Variants in PKD1 observed in about 807,000 individuals in gnomAD.
PKD1 encodes the protein polycystin-1.
PKD1 carries 81 observed loss-of-function variants against 361.7 expected under a neutral mutation model. The ratio of observed to expected loss-of-function variants is 0.22; its 90% CI spans 0.19 to 0.27. The LOEUF is 0.27. Ranked by LOEUF, PKD1 falls within the 10% of genes least tolerant of loss-of-function variation. PKD1 has a pLI of 1.00. For missense variants in PKD1, 6,399 were observed against 6,118.3 expected (o/e 1.05, Z -1.53); for synonymous variants, 3,615 against 2,818.3 (o/e 1.28, Z -8.95).
chr16:2,134,570 C>T (rs546575550), intron 1 of PKD1, among the ~76,000 whole-genome samples: 76 of 151,234 alleles, frequency 5.0e-4, no homozygotes, highest in Admixed American at 2.2e-3. Flanking sequence ...ACCCTGGGTC[C>T]TGGGCACCTC....
At chr16:2,132,689 G>A (rs1194146991) in intron 1 of PKD1, among the ~76,000 whole-genome samples, 3 of 151,918 alleles carry the variant, frequency 2.0e-5, no homozygotes, top group Non-Finnish European at 4.4e-5. Context: ...CAGGCCTTCG[G>A]TGGCATGAAG....
At position 2,093,742 on chromosome 16, in the gene PKD1, G is replaced by T; in HGVS notation, c.10822-4C>A. On this transcript the variant is annotated splice_polypyrimidine_tract_variant and splice_region_variant and intron_variant, in intron 36 of 45. Transcript: ENST00000262304. ...AGTACAGGGCTTCCAGCAAGACCTGGGGAGGGGGTGGCTTCAGAGGGGTCC... is the reference window on the plus strand; with the variant it reads ...AGTACAGGGCTTCCAGCAAGACCTGTGGAGGGGGTGGCTTCAGAGGGGTCC... 6.3e-7 allele frequency: 1 copy of T among 1,577,072 alleles called. No individual in the cohort carries two copies. The highest frequency in any genetic ancestry group is 8.6e-7 in the Non-Finnish European group (1 of 1,161,044).
At chr16:2,098,221 TTC>T (rs1489204266) in intron 30 of PKD1, 2 of 584,220 alleles carry the variant, frequency 3.4e-6, no homozygotes, top group African/African-American at 3.7e-5. Context: ...ATTTCATATT[TTC>T]TTTTTTAGAT....
rs748492133 is a variant in PKD1 at position 2,102,665 on chromosome 16, C to T, written c.8949-32G>A. On this transcript the variant is annotated intron_variant, in intron 24 of 45. Coordinates refer to ENST00000262304, the MANE Select transcript of PKD1 (RefSeq NM_001009944.3). ...AGGGAAGGGGTAGCGGACGTGAGCC[C>T]AGGCTCCGCCAGGTTGGATGTCGCA... 7.5e-6 allele frequency: 12 copies of T among 1,610,480 alleles called. No individual in the cohort carries two copies. In the South Asian group the frequency reaches 1.3e-4, roughly 18 times the overall value.
intron 26 of PKD1, 137 bp downstream of exon 26, chr16:2,101,924 T>C: frequency 1.5e-6 from 1 of 677,294 alleles, no homozygotes; most frequent in South Asian, 1.5e-5. Flanking sequence ...ATTCCCAGGA[T>C]GAACACACGA....
Position 2,110,726 on chromosome 16 carries a change from G to A in PKD1, c.4441C>T (p.Leu1481=). 1.2e-6 allele frequency: 2 copies of A among 1,610,312 alleles called. No homozygotes were observed. The highest frequency in any genetic ancestry group is 2.2e-5 in the East Asian group (1 of 44,904). The change falls in exon 15 of 46, where the codon CTG becomes TTG. Residue 1481 remains leucine, a synonymous_variant. Coordinates refer to ENST00000262304, the MANE Select transcript of PKD1 (RefSeq NM_001009944.3). The part of the protein sequence containing the change: ...IKVNGSLGLE[L]QQPYLFSAVG... Reference sequence around the variant, plus strand: ...GCAGAGAACAGGTACGGCTGCTGCAGCTCCAGCCCAAGGGAGCCATTGACC... The same window carrying A: ...GCAGAGAACAGGTACGGCTGCTGCAACTCCAGCCCAAGGGAGCCATTGACC...
chr16:2,115,407 C>T lies in PKD1; in HGVS notation c.2068G>A (p.Val690Ile), dbSNP rs948344824. The T allele has an allele frequency of 6.4e-6, 10 of 1,570,184 alleles. No individual in the cohort carries two copies. The highest frequency in any genetic ancestry group is 5.4e-5 in the African/African-American group (4 of 73,936). The change falls in exon 10 of 46, where the codon GTT (valine) becomes ATT (isoleucine). Residue 690 changes from valine (V) to isoleucine (I), a missense_variant. By Grantham distance (29) the Val-to-Ile change is conservative. Coordinates refer to ENST00000262304, the MANE Select transcript of PKD1 (RefSeq NM_001009944.3). ...TACTGCGCGGGGGGCCCCGCGGGAA[C>T]GGAGAAGAGGAACTCTCTCCATAGC... ...YALWREFLFS[V>I]PAGPPAQYSV...
chr16:2,090,740 T>C lies in PKD1; in HGVS notation c.12072A>G (p.Pro4024=), dbSNP rs1214668020. 3 of 1,612,642 alleles carry C rather than the reference T, an allele frequency of 1.9e-6. No individual in the cohort carries two copies. In the South Asian group the frequency reaches 3.3e-5, roughly 18 times the overall value. The change falls in exon 44 of 46, where the codon CCA becomes CCG. Residue 4024 remains proline (P), a synonymous_variant. Transcript: ENST00000262304. ...VFGKTLCRAL[P]ELLGVTLGLV... ...GGCCCAAGGTGACCCCCAGGAGCTC[T>C]GGCAGAGCTCGGCATAATGTCTTGC...
intron 22 of PKD1, 74 bp downstream of exon 22, chr16:2,104,424 G>T: frequency 1.7e-6 from 2 of 1,169,040 alleles, no homozygotes; most frequent in Non-Finnish European, 2.4e-6. Flanking sequence ...AGGCGACGCG[G>T]TTGGGGGGAG....
At chr16:2,107,222 G>A (rs2092370124) in intron 16 of PKD1, 4 of 519,734 alleles carry the variant, frequency 7.7e-6, no homozygotes, top group East Asian at 3.4e-5. Flanking sequence ...CTCACTGAGG[G>A]CCCCTGGGGG....
chr16:2,098,142 C>G, intron 30 of PKD1, 158 bp from the exon 31 acceptor site: 1 of 613,614 alleles, frequency 1.6e-6, no homozygotes, highest in Non-Finnish European at 2.9e-6. Flanking sequence ...TCCGTGATGG[C>G]AGCCCCTCGC....
intron 1 of PKD1, chr16:2,132,979 G>C (rs1214757686): frequency 6.6e-6 from 1 of 151,544 alleles, no homozygotes; most frequent in Non-Finnish European, 1.5e-5. Flanking sequence ...TACTCGGGAG[G>C]CTGAGGCAGG....
In PKD1 at chr16:2,118,995, G is replaced by A; in HGVS notation, c.359+119C>T. On this transcript the variant is annotated intron_variant, in intron 3 of 45. Coordinates refer to ENST00000262304, the MANE Select transcript of PKD1 (RefSeq NM_001009944.3). This position sits in a 1 kb window ranked among gnomAD's most constrained non-coding sequence, Gnocchi z 6.0. ...CACTGGGGGGCTCCAAGCAGGCAGT[G>A]AACTGCCCCCAGGATCTGGTCTCAA... 2 of 909,208 alleles carry A rather than the reference G, an allele frequency of 2.2e-6. No individual in the cohort carries two copies. The highest frequency in any genetic ancestry group is 3.5e-6 in the Non-Finnish European group (2 of 577,040). The allele number at this position is 909,208 out of a possible 1,614,324, so 56.3% of individuals were successfully genotyped here.
Position 2,091,600 on chromosome 16 carries a change from G to C in PKD1, c.11538-3C>G. ...GCTCCAGGAACACAGCGCGGCTCCT[G>C]CGCAGAGGGTGCGGGTCAGTAGGAG... On this transcript the variant is annotated splice_polypyrimidine_tract_variant and splice_region_variant and intron_variant, in intron 41 of 45. Transcript: ENST00000262304. The C allele has an allele frequency of 6.4e-7, 1 of 1,559,806 alleles. No individual in the cohort carries two copies. Among genetic ancestry groups the C allele is most frequent in the Non-Finnish European group, 8.6e-7 (1 of 1,161,268 alleles).
chr16:2,114,618 A>G lies in PKD1; in HGVS notation c.2405T>C (p.Val802Ala), dbSNP rs2092598659. 1 of 1,577,314 alleles carries G rather than the reference A, an allele frequency of 6.3e-7. No individual in the cohort carries two copies. The highest frequency in any genetic ancestry group is 1.7e-5 in the Admixed American group (1 of 57,288). The change falls in exon 11 of 46, where the codon GTG becomes GCG. Residue 802 changes from valine (V) to alanine (A), a missense_variant. Physicochemically the swap from Val to Ala is moderately conservative, Grantham distance 64. Coordinates refer to ENST00000262304, the MANE Select transcript of PKD1 (RefSeq NM_001009944.3). The stretch of plus-strand genomic sequence containing the variant: ...GTTGTGCCTGGACACGCCATTGCCC[A>G]CCTCTGCCCGGACCTCATAGCGCCC... ...LPGRYEVRAE[V>A]GNGVSRHNLS...
At chr16:2,126,742 G>A (rs765261346) in intron 1 of PKD1, among the ~76,000 whole-genome samples, 25 of 152,260 alleles carry the variant, frequency 1.6e-4, no homozygotes, top group African/African-American at 5.5e-4. Context: ...CAGAGCTCCA[G>A]AAAAGAACAT....
chr16:2,123,704 G>A (rs1357595491), intron 1 of PKD1, among the ~76,000 whole-genome samples: 1 of 152,098 alleles, frequency 6.6e-6, no homozygotes, highest in African/African-American at 2.4e-5. Flanking sequence ...ACCACCGAGC[G>A]GCCCTAAGCC....
rs1158465434 is a variant in PKD1 at position 2,099,667 on chromosome 16, G to A, written c.10027C>T (p.Leu3343Phe). 3.1e-6 allele frequency: 5 copies of A among 1,594,124 alleles called. No individual in the cohort carries two copies. The highest frequency in any genetic ancestry group is 1.7e-5 in the Admixed American group (1 of 59,618). Residue 3343 changes from leucine (L) to phenylalanine (F), a missense_variant, in exon 30 of 46, where the codon CTC (leucine) becomes TTC (phenylalanine). Physicochemically the swap from Leu to Phe is conservative, Grantham distance 22. Transcript: ENST00000262304. The part of the protein sequence containing the change: ...VYPVYLAILF[L>F]FRMSRSKVAG... ...ACCTTGCTCCGGGACATCCGGAAGA[G>A]AAAAAGGATGGCCAGGTAGACGGGA...
chr16:2,133,546 G>T (rs2092914304), intron 1 of PKD1, among the ~76,000 whole-genome samples: 1 of 151,336 alleles, frequency 6.6e-6, no homozygotes, highest in Admixed American at 6.6e-5. Flanking sequence ...TCTCCCCGAG[G>T]AGGAGTTTGC....
Sources: allele counts gnomAD v4.1 joint callset (sites outside exome capture counted in the v4.1 genomes callset), GRCh38; gene constraint gnomAD v4.1.1; non-coding constraint Gnocchi (gnomAD v3.1); transcripts MANE v1.5; gene names NCBI Gene and HGNC (gene_info 2026-07-23, HGNC 2026-07-21).